Variants in BRD4 observed in about 807,000 individuals in gnomAD.
The protein encoded by BRD4 is bromodomain-containing protein 4.
A neutral mutation model predicts 142.1 loss-of-function variants in BRD4; 16 were observed. The observed-to-expected ratio is 0.11, with a 90% CI of 0.08 to 0.17. The LOEUF (loss-of-function observed/expected upper bound fraction) is 0.17, where lower values mean the gene tolerates loss of function less well. Among genes scored for constraint, BRD4 ranks in the 10% least tolerant of loss-of-function variants. The pLI is 1.00. For missense variants in BRD4, 1,424 were observed against 1,810.9 expected, an observed-to-expected ratio of 0.79 and a Z score of 3.88; for synonymous variants, 833 against 707.5, an observed-to-expected ratio of 1.18 and a Z score of -2.82.
chr19:15,285,445 G>A (rs1356058466), intron 1 of BRD4, among the ~76,000 whole-genome samples: 1 of 152,132 alleles, frequency 6.6e-6, no homozygotes, highest in East Asian at 1.9e-4. Context: ...ACTCTGCCCA[G>A]CTCCAGCTAC....
At chr19:15,269,834 C>G (rs575821360) in intron 2 of BRD4, among the ~76,000 whole-genome samples, 119 of 152,336 alleles carry the variant, frequency 7.8e-4, no homozygotes, top group African/African-American at 2.8e-3. Context: ...GAAATCAAAC[C>G]ACGTTATTCT....
At chr19:15,320,616 G>A (rs552427146) in intron 1 of BRD4, among the ~76,000 whole-genome samples, 2 of 152,186 alleles carry the variant, frequency 1.3e-5, no homozygotes, top group African/African-American at 4.8e-5. Context: ...ACTTTAAGCT[G>A]GTCTCACTCC....
intron 11 of BRD4, among the ~76,000 whole-genome samples, chr19:15,252,403 TAGG>T (rs1169458633): frequency 1.3e-5 from 2 of 152,198 alleles, no homozygotes; most frequent in Admixed American, 6.5e-5. Flanking sequence ...AAACCCCTGG[TAGG>T]AGAAGTCAAC....
chr19:15,280,651 C>T (rs1459273828), intron 1 of BRD4, among the ~76,000 whole-genome samples: 1 of 152,174 alleles, frequency 6.6e-6, no homozygotes, highest in Non-Finnish European at 1.5e-5. Context: ...GGGGACATGG[C>T]TTAAATTTGT....
chr19:15,280,371 T>C, intron 1 of BRD4: 6 of 1,016,568 alleles, frequency 5.9e-6, no homozygotes, highest in Non-Finnish European at 7.1e-6. Flanking sequence ...TGGCCTGCCT[T>C]CTCTGCAGAA....
chr19:15,332,053 G>T, intron 1 of BRD4: 1 of 144,602 alleles, frequency 6.9e-6, no homozygotes, highest in South Asian at 2.0e-4. Context: ...GGACAGCCGC[G>T]AGCGACCCCG....
Position 15,239,317 on chromosome 19 carries a change from A to G in BRD4, c.3577-53T>C, listed in dbSNP as rs2047219099. On this transcript the variant is annotated intron_variant, in intron 17 of 19. Transcript: ENST00000679869. The surrounding 1 kb of genome is among the most constrained non-coding windows in gnomAD (Gnocchi z 7.4). ...GAGGGGTCTGCTGTGCCTAAAGGGCATAGCTGGGGGTGTGCCCAGCATGGC... is the reference window on the plus strand; with the variant it reads ...GAGGGGTCTGCTGTGCCTAAAGGGCGTAGCTGGGGGTGTGCCCAGCATGGC... 6.2e-7 allele frequency: 1 copy of G among 1,613,938 alleles called. No homozygotes were observed. Among genetic ancestry groups the G allele is most frequent in the Non-Finnish European group, 8.5e-7 (1 of 1,179,972 alleles).
chr19:15,244,188 C>T (rs2047263774), intron 13 of BRD4, 43 bp downstream of exon 13: 4 of 1,537,448 alleles, frequency 2.6e-6, no homozygotes, highest in Non-Finnish European at 3.5e-6. Flanking sequence ...TAAACCGAGG[C>T]AGGAAGGGGT....
intron 2 of BRD4, among the ~76,000 whole-genome samples, chr19:15,270,733 G>A (rs1396888158): frequency 6.6e-6 from 1 of 152,032 alleles, no homozygotes; most frequent in Admixed American, 6.5e-5. Context: ...TACTTTTTAG[G>A]GTGGCCTTAT....
intron 11 of BRD4, chr19:15,245,056 C>T (rs769697284): frequency 1.9e-5 from 10 of 513,608 alleles, no homozygotes; most frequent in African/African-American, 7.7e-5. Flanking sequence ...GCTTGCCCAA[C>T]GCCTCCCACT....
chr19:15,277,498 T>C (rs977073704), intron 1 of BRD4, among the ~76,000 whole-genome samples: 4 of 151,996 alleles, frequency 2.6e-5, no homozygotes, highest in African/African-American at 4.8e-5. Flanking sequence ...AAAACAAAGA[T>C]TGTCCAGGCA....
At chr19:15,269,715 T>TA (rs908293339) in intron 2 of BRD4, among the ~76,000 whole-genome samples, 1 of 152,088 alleles carries the variant, frequency 6.6e-6, no homozygotes, top group Non-Finnish European at 1.5e-5. Flanking sequence ...ATCCTTAGTT[T>TA]AAAAAAATAA....
intron 1 of BRD4, among the ~76,000 whole-genome samples, chr19:15,294,210 CAT>C (rs1252166836): frequency 6.6e-6 from 1 of 152,266 alleles, no homozygotes; most frequent in African/African-American, 2.4e-5. Flanking sequence ...TTGAGCAAAA[CAT>C]AAACGCCAAG....
intron 7 of BRD4, among the ~76,000 whole-genome samples, chr19:15,258,755 C>A (rs558549169): frequency 6.6e-6 from 1 of 151,968 alleles, no homozygotes; most frequent in Admixed American, 6.6e-5. Context: ...GACCACCATG[C>A]CCAGCTAAAT....
chr19:15,240,576 G>A (rs879504205), intron 14 of BRD4, among the ~76,000 whole-genome samples: 2 of 152,188 alleles, frequency 1.3e-5, no homozygotes, highest in Admixed American at 6.5e-5. Context: ...GAGAAGCCTG[G>A]AATTGGCCTC....
At chr19:15,246,282 G>C (rs1051621044) in intron 11 of BRD4, among the ~76,000 whole-genome samples, 1 of 152,150 alleles carries the variant, frequency 6.6e-6, no homozygotes, top group African/African-American at 2.4e-5. Context: ...CTGTGGTGGT[G>C]GGGGGAGGAG....
chr19:15,254,329 G>A (rs1188881878), intron 10 of BRD4, 67 bp from the exon 11 acceptor site: 14 of 1,323,094 alleles, frequency 1.1e-5, no homozygotes, highest in Admixed American at 1.7e-5. Flanking sequence ...TAAGCCATGG[G>A]CACACCCCAT....
At chr19:15,331,130 CGTAAACAA>C (rs957439490) in intron 1 of BRD4, among the ~76,000 whole-genome samples, 4 of 151,844 alleles carry the variant, frequency 2.6e-5, no homozygotes, top group Non-Finnish European at 4.4e-5. Flanking sequence ...CTGCACGAAA[CGTAAACAA>C]GTAAACAAGC....
At chr19:15,298,891 C>G (rs568057985) in intron 1 of BRD4, among the ~76,000 whole-genome samples, 65 of 152,236 alleles carry the variant, frequency 4.3e-4, no homozygotes, top group Non-Finnish European at 8.4e-4. Flanking sequence ...CCAAGCAGCC[C>G]AGGATAATTT....
Sources: gnomAD v4.1 joint callset for allele counts (sites outside exome capture counted in the v4.1 genomes callset) on GRCh38, gnomAD v4.1.1 for gene constraint, Gnocchi (gnomAD v3.1) non-coding constraint, MANE v1.5 for transcripts, NCBI Gene and HGNC (gene_info 2026-07-23, HGNC 2026-07-21) for gene names.